RIMS1: variants seen among roughly 807,000 people sequenced by gnomAD.
RIMS1 encodes regulating synaptic membrane exocytosis 1, also known as regulating synaptic membrane exocytosis protein 1.
Under a neutral mutation model 214.1 loss-of-function variants are expected in RIMS1, and 83 were observed. The observed-to-expected ratio is 0.39, with a 90% confidence interval of 0.32 to 0.47. The LOEUF (loss-of-function observed/expected upper bound fraction) is 0.47. Ranked by LOEUF, RIMS1 falls within the 20% of genes least tolerant of loss-of-function variation. The probability of loss-of-function intolerance (pLI) is 0.99; values close to 1 mark genes in which losing one functional copy is unlikely to be tolerated. For synonymous variants in RIMS1, 793 were observed against 786.8 expected (o/e 1.01, Z -0.13); for missense variants, 2,050 against 2,161.8 (o/e 0.95, Z 1.03).
chr6:72,237,756 T>C, intron 8 of RIMS1, 67 bp from the exon 9 acceptor site: 1 of 1,117,508 alleles, frequency 8.9e-7, no homozygotes, highest in Non-Finnish European at 1.4e-6. Context: ...GTAGGATTAA[T>C]TCCTCAAACT....
At chr6:72,347,583 T>G (rs1352288496) in intron 29 of RIMS1, among the ~76,000 whole-genome samples, 1 of 151,810 alleles carries the variant, frequency 6.6e-6, no homozygotes, top group African/African-American at 2.4e-5. Context: ...GTAAAAAATG[T>G]CCACTTTTAT....
At chr6:72,011,053 T>A (rs1475432495) in intron 2 of RIMS1, among the ~76,000 whole-genome samples, 1 of 148,660 alleles carries the variant, frequency 6.7e-6, no homozygotes, top group Admixed American at 6.7e-5. Flanking sequence ...AAAGCTGGAG[T>A]CTTCACACTT....
At chr6:72,153,717 A>G (rs1450399939) in intron 4 of RIMS1, among the ~76,000 whole-genome samples, 8 of 152,298 alleles carry the variant, frequency 5.3e-5, no homozygotes, top group African/African-American at 1.4e-4. Flanking sequence ...GAAAACATTC[A>G]GAGGAGGGGC....
chr6:72,028,157 T>G (rs751625478), intron 2 of RIMS1, among the ~76,000 whole-genome samples: 4 of 152,136 alleles, frequency 2.6e-5, no homozygotes, highest in Non-Finnish European at 5.9e-5. Flanking sequence ...CAGTCAACAA[T>G]AATTGGTCTT....
intron 1 of RIMS1, among the ~76,000 whole-genome samples, chr6:71,944,697 C>T (rs1258115078): frequency 2.6e-5 from 4 of 152,092 alleles, no homozygotes; most frequent in Non-Finnish European, 5.9e-5. Flanking sequence ...CAATAAAATC[C>T]ATTTGTAACA....
chr6:72,304,431 A>G (rs535217438), intron 26 of RIMS1, among the ~76,000 whole-genome samples: 9 of 151,910 alleles, frequency 5.9e-5, no homozygotes, highest in South Asian at 2.1e-4. Context: ...CAAGAATTCA[A>G]TTAACTTTTA....
At chr6:71,973,428 G>A (rs1796380326) in intron 2 of RIMS1, among the ~76,000 whole-genome samples, 1 of 152,156 alleles carries the variant, frequency 6.6e-6, no homozygotes, top group Non-Finnish European at 1.5e-5. Context: ...CTGTGTCAAT[G>A]GGGCTCCGGG....
At chr6:71,956,388 T>C (rs1251599369) in intron 1 of RIMS1, among the ~76,000 whole-genome samples, 1 of 152,182 alleles carries the variant, frequency 6.6e-6, no homozygotes, top group Non-Finnish European at 1.5e-5. Context: ...AAAAAATTGA[T>C]ATTATTAACA....
chr6:71,889,177 C>G (rs987329359), intron 1 of RIMS1, among the ~76,000 whole-genome samples: 1 of 152,118 alleles, frequency 6.6e-6, no homozygotes, highest in East Asian at 1.9e-4. Flanking sequence ...AAGGGGAAGG[C>G]ACGGTGCAAG....
At chr6:72,274,172 A>C (rs905046056) in intron 22 of RIMS1, among the ~76,000 whole-genome samples, 177 bp from the exon 23 acceptor site, 1 of 152,200 alleles carries the variant, frequency 6.6e-6, no homozygotes, top group Non-Finnish European at 1.5e-5. Context: ...TATGTTCTTA[A>C]AGTATTGTAA....
intron 23 of RIMS1, among the ~76,000 whole-genome samples, chr6:72,282,502 A>G (rs1177509404): frequency 1.3e-5 from 2 of 152,122 alleles, no homozygotes; most frequent in African/African-American, 4.8e-5. Context: ...ACCTGATTTC[A>G]TGGTTTCATT....
chr6:72,261,461 A>C, intron 19 of RIMS1: 1 of 977,354 alleles, frequency 1.0e-6, no homozygotes, highest in South Asian at 4.7e-5. Context: ...GCTTTATGTT[A>C]ATCTCATTAC....
intron 4 of RIMS1, among the ~76,000 whole-genome samples, chr6:72,150,083 G>C (rs1167350826): frequency 1.3e-5 from 2 of 152,148 alleles, no homozygotes; most frequent in African/African-American, 4.8e-5. Flanking sequence ...GCAGAGAGGG[G>C]ATGTGAGGGT....
At chr6:72,398,041 A>C (rs2098799673) in intron 31 of RIMS1, among the ~76,000 whole-genome samples, 1 of 152,174 alleles carries the variant, frequency 6.6e-6, no homozygotes, top group African/African-American at 2.4e-5. Context: ...AAGAGGTATT[A>C]ATACCAGAAA....
At chr6:72,033,678 C>T (rs1818791778) in intron 2 of RIMS1, among the ~76,000 whole-genome samples, 1 of 152,024 alleles carries the variant, frequency 6.6e-6, no homozygotes, top group South Asian at 2.1e-4. Context: ...GACAGGGTTT[C>T]ACCACGTTGG....
At chr6:72,267,440 A>C (rs1454271126) in intron 22 of RIMS1, among the ~76,000 whole-genome samples, 1 of 152,148 alleles carries the variant, frequency 6.6e-6, no homozygotes, top group East Asian at 1.9e-4. Context: ...CTGATACTTT[A>C]ATATTTCGTA....
intron 4 of RIMS1, among the ~76,000 whole-genome samples, chr6:72,137,069 T>C (rs1455327907): frequency 2.0e-5 from 3 of 152,070 alleles, no homozygotes; most frequent in Admixed American, 6.5e-5. Context: ...TATCTTTTTG[T>C]TGACTATAAA....
intron 2 of RIMS1, among the ~76,000 whole-genome samples, chr6:72,046,945 G>T (rs1823221164): frequency 6.6e-6 from 1 of 151,906 alleles, no homozygotes; most frequent in Non-Finnish European, 1.5e-5. Context: ...AAAATTTGAA[G>T]TCATATGACT....
At chr6:72,212,108 A>G (rs1443282357) in intron 6 of RIMS1, among the ~76,000 whole-genome samples, 2 of 152,146 alleles carry the variant, frequency 1.3e-5, no homozygotes, top group African/African-American at 4.8e-5. Flanking sequence ...CAAAACAATA[A>G]TAACTACCTG....
Sources: allele counts gnomAD v4.1 joint callset (sites outside exome capture counted in the v4.1 genomes callset), GRCh38; gene constraint gnomAD v4.1.1; transcripts MANE v1.5; gene names NCBI Gene and HGNC (gene_info 2026-07-23, HGNC 2026-07-21).